Variants in MAFG observed in about 807,000 individuals in gnomAD.
MAFG encodes transcription factor MafG.
Under a neutral mutation model 12.2 loss-of-function variants are expected in MAFG, and 3 were observed. The observed-to-expected ratio is 0.25, with a 90% confidence interval of 0.11 to 0.64. The LOEUF (loss-of-function observed/expected upper bound fraction) is 0.64. MAFG is among the 30% of genes least tolerant of loss of function. The pLI, the probability that MAFG is intolerant of heterozygous loss-of-function variation, is 0.85. For synonymous variants in MAFG, 126 were observed against 109.1 expected (o/e 1.15, Z -0.96); for missense variants, 153 against 235.5 (o/e 0.65, Z 2.29).
Position 81,920,866 on chromosome 17 carries a change from G to A in MAFG, c.*1739C>T, listed in dbSNP as rs3744810. ...GGACAAGGAAGAAAGGGCGGTGCCC[G>A]GTGGGCCCCCACCCACTCTGCCTGG... On this transcript the variant is annotated 3_prime_UTR_variant, in exon 3 of 3. Coordinates refer to ENST00000357736, the MANE Select transcript of MAFG (RefSeq NM_002359.4). 0.13 allele frequency: 20,376 copies of A among 152,484 alleles called. 1,653 individuals are homozygous for A. The highest frequency in any genetic ancestry group is 0.22 in the Middle Eastern group (64 of 296). 9.4% of individuals were successfully genotyped at this position (152,484 alleles called of 1,614,324 possible). A position where few individuals can be genotyped will look rare whatever the true frequency, so the allele number is the denominator to read the frequency against.
chr17:81,927,056 AT>A (rs1056487941), intron 1 of MAFG, among the ~76,000 whole-genome samples: 2 of 150,684 alleles, frequency 1.3e-5, no homozygotes, highest in Non-Finnish European at 3.0e-5. Context: ...CAGCACCCCC[AT>A]CGCCGCCCCT....
In MAFG at chr17:81,919,262, T is replaced by C. The variant is rs2040862536; in HGVS notation, c.*3343A>G. ...GACTTTCCAGATGTGGATGGGCGCT[T>C]TGGCCAAGTGGCCACTCCAGAGGGA... On this transcript the variant is annotated 3_prime_UTR_variant, in exon 3 of 3. Coordinates refer to ENST00000357736, the MANE Select transcript of MAFG (RefSeq NM_002359.4). 1 of 152,262 alleles carries C rather than the reference T, an allele frequency of 6.6e-6. No homozygotes were observed. 9.4% of individuals were successfully genotyped at this position (152,262 alleles called of 1,614,324 possible).
At chr17:81,928,921 G>A (rs900776304), upstream of MAFG, among the ~76,000 whole-genome samples, 9 of 152,168 alleles carry the variant, frequency 5.9e-5, no homozygotes, top group African/African-American at 2.2e-4. This position sits in a 1 kb window ranked among gnomAD's most constrained non-coding sequence, Gnocchi z 8.1. Context: ...GGGTGAAGTC[G>A]TGCATTGCTG....
In MAFG at chr17:81,922,941, C is replaced by T. The variant is rs371063454; in HGVS notation, c.153G>A (p.Gln51=). 31 of 1,603,964 alleles carry T rather than the reference C, an allele frequency of 1.9e-5. No homozygotes were observed. The highest frequency in any genetic ancestry group is 2.7e-5 in the African/African-American group (2 of 74,812). ...LRGLSKEEIV[Q]LKQRRRTLKN... is the part of the protein sequence containing the mutation. ...TGAGCGTGCGCCGGCGCTGCTTCAG[C>T]TGGACGATCTCCTCCTTGGACAGGC... The change falls in exon 3 of 3, where the codon CAG becomes CAA. Residue 51 remains glutamine, a synonymous_variant. Transcript: ENST00000357736.
Position 81,924,007 on chromosome 17 carries a change from C to G in MAFG, c.-29-793G>C, listed in dbSNP as rs993018672. 6.6e-6 allele frequency: 1 copy of G among 152,364 alleles called. No individual in the cohort carries two copies. The highest frequency in any genetic ancestry group is 2.1e-4 in the South Asian group (1 of 4,842). The allele number at this position is 152,364 out of a possible 1,614,324, so 9.4% of individuals were successfully genotyped here. ...GCCATCAGCTGGGAGGAGCCTGGCC[C>G]GAGGCCCCTCTAGACCTCCCAGTCG... On this transcript the variant is annotated intron_variant, in intron 1 of 2. Coordinates refer to ENST00000357736, the MANE Select transcript of MAFG (RefSeq NM_002359.4). The surrounding 1 kb of genome is among the most constrained non-coding windows in gnomAD (Gnocchi z 4.7).
Position 81,920,333 on chromosome 17 carries a change from C to G in MAFG, c.*2272G>C, listed in dbSNP as rs966164325. On this transcript the variant is annotated 3_prime_UTR_variant, in exon 3 of 3. Coordinates refer to ENST00000357736, the MANE Select transcript of MAFG (RefSeq NM_002359.4). The stretch of plus-strand genomic sequence containing the variant: ...CAAGTGTTGATGGTGCCTCCCTGTT[C>G]CCATCCTGTGGGCACACCAGGCCAA... 6.6e-6 allele frequency: 1 copy of G among 152,242 alleles called. No individual in the cohort carries two copies. The highest frequency in any genetic ancestry group is 2.1e-4 in the South Asian group (1 of 4,828). The allele number at this position is 152,242 out of a possible 1,614,324, so 9.4% of individuals were successfully genotyped here.
In MAFG at chr17:81,923,466, T is replaced by C. The variant is rs2040915379; in HGVS notation, c.-29-252A>G. The C allele has an allele frequency of 1.0e-5, 4 of 392,510 alleles. No homozygotes were observed. The South Asian group carries it at 1.8e-4, about 18-fold the overall frequency. 24.3% of individuals were successfully genotyped at this position (392,510 alleles called of 1,614,324 possible). On this transcript the variant is annotated intron_variant, in intron 1 of 2. Transcript: ENST00000357736. ...GAAGGTCTGACGGGAGAAGGGGAAC[T>C]GAAGGCTGTTAGGAAGGCAGGCGCA...
Position 81,924,357 on chromosome 17 carries a change from C to G in MAFG, c.-29-1143G>C, listed in dbSNP as rs1260612068. ...ATGTTTCTGGGATTCCCAGCTCAGCCCAGCTCCCACCAGACCCTTGGGCAT... is the reference window on the plus strand; with the variant it reads ...ATGTTTCTGGGATTCCCAGCTCAGCGCAGCTCCCACCAGACCCTTGGGCAT... On this transcript the variant is annotated intron_variant, in intron 1 of 2. Coordinates refer to ENST00000357736, the MANE Select transcript of MAFG (RefSeq NM_002359.4). The surrounding 1 kb of genome is among the most constrained non-coding windows in gnomAD (Gnocchi z 4.7). 2.6e-5 allele frequency: 4 copies of G among 152,460 alleles called. No homozygotes were observed. Among genetic ancestry groups the G allele is most frequent in the Non-Finnish European group, 5.9e-5 (4 of 68,230 alleles). The allele number at this position is 152,460 out of a possible 1,614,324, so 9.4% of individuals were successfully genotyped here.
In MAFG at chr17:81,921,903, A is replaced by C. The variant is rs1396168876; in HGVS notation, c.*702T>G. ...CTTTTAAATAAAGGGCTATATAACC[A>C]CACAAATAGGTCATGTAAACAGTGA... On this transcript the variant is annotated 3_prime_UTR_variant, in exon 3 of 3. Transcript: ENST00000357736. 1 of 152,134 alleles carries C rather than the reference A, an allele frequency of 6.6e-6. No individual in the cohort carries two copies. The highest frequency in any genetic ancestry group is 1.5e-5 in the Non-Finnish European group (1 of 68,024). 9.4% of individuals were successfully genotyped at this position (152,134 alleles called of 1,614,324 possible).
At chr17:81,931,133 A>G (rs983208245), upstream of MAFG, among the ~76,000 whole-genome samples, 5 of 152,038 alleles carry the variant, frequency 3.3e-5, no homozygotes, top group African/African-American at 1.2e-4. Context: ...TTAATCAGGA[A>G]CCCACAGTGG....
Position 81,926,151 on chromosome 17 carries a change from C to T in MAFG, c.-30+1377G>A, listed in dbSNP as rs1324726031. On this transcript the variant is annotated intron_variant, in intron 1 of 2. Transcript: ENST00000357736. The surrounding 1 kb of genome is among the most constrained non-coding windows in gnomAD (Gnocchi z 4.6). Reference sequence around the variant, plus strand: ...TCCACATACCCAAGGAAAGGTGGCTCTGGCCACATCACTCCCAAGCTGCCA... The same window carrying T: ...TCCACATACCCAAGGAAAGGTGGCTTTGGCCACATCACTCCCAAGCTGCCA... Among the ~76,000 whole-genome samples the T allele has an allele frequency of 6.6e-6, 1 of 152,170 alleles. No individual in the cohort carries two copies. Among genetic ancestry groups the T allele is most frequent in the African/African-American group, 2.4e-5 (1 of 41,430 alleles).
At chr17:81,929,939 GA>G (rs2040972159), upstream of MAFG, 1 of 146,030 alleles carries the variant, frequency 6.8e-6, no homozygotes, top group South Asian at 1.9e-4. The surrounding 1 kb of genome is among the most constrained non-coding windows in gnomAD (Gnocchi z 5.7). Flanking sequence ...CTGTGGGACT[GA>G]GCCCCGCAGG....
chr17:81,922,875 C>T lies in MAFG; in HGVS notation c.219G>A (p.Val73=). ...GCTTCTCCAGCTCCTCCTTCTGCGT[C>T]ACCCGCTTCACGCGGCAGCTGGCAG... ...GYAASCRVKR[V]TQKEELEKQK... The change falls in exon 3 of 3, where the codon GTG becomes GTA. Residue 73 remains valine, a synonymous_variant. Coordinates refer to ENST00000357736, the MANE Select transcript of MAFG (RefSeq NM_002359.4). The T allele has an allele frequency of 1.2e-6, 2 of 1,611,606 alleles. No homozygotes were observed. Among genetic ancestry groups the T allele is most frequent in the Non-Finnish European group, 1.7e-6 (2 of 1,179,354 alleles).
upstream of MAFG, among the ~76,000 whole-genome samples, chr17:81,928,769 A>C (rs1249858855): frequency 2.0e-5 from 3 of 152,206 alleles, no homozygotes; most frequent in Non-Finnish European, 4.4e-5. The surrounding 1 kb of genome is among the most constrained non-coding windows in gnomAD (Gnocchi z 8.1). Flanking sequence ...CTTAGTGTAC[A>C]AAACAGCACA....
chr17:81,922,681 C>T lies in MAFG; in HGVS notation c.413G>A (p.Gly138Glu). The stretch of plus-strand genomic sequence containing the variant: ...GGCCACCTTGCCTGGGACGAGGGGC[C>T]CCAGGCCGGCGGCAAGGGGGCCCCG... ...PARGPLAAGL[G>E]PLVPGKVAAT... is the part of the protein sequence containing the mutation. Residue 138 changes from glycine to glutamate, a missense_variant, in exon 3 of 3, where the codon GGG (glycine) becomes GAG (glutamate). Coordinates refer to ENST00000357736, the MANE Select transcript of MAFG (RefSeq NM_002359.4). 1 of 1,506,442 alleles carries T rather than the reference C, an allele frequency of 6.6e-7. No homozygotes were observed. Among genetic ancestry groups the T allele is most frequent in the Admixed American group, 2.5e-5 (1 of 40,052 alleles). 93.3% of individuals were successfully genotyped at this position (1,506,442 alleles called of 1,614,324 possible).
In MAFG at chr17:81,921,249, C is replaced by T. The variant is rs2040886094; in HGVS notation, c.*1356G>A. On this transcript the variant is annotated 3_prime_UTR_variant, in exon 3 of 3. Coordinates refer to ENST00000357736, the MANE Select transcript of MAFG (RefSeq NM_002359.4). ...ACGGACCAGGAGCTGGTGGTGGGCACAGATTCCTTGAGCTCTGACGCAGCA... is the reference window on the plus strand; with the variant it reads ...ACGGACCAGGAGCTGGTGGTGGGCATAGATTCCTTGAGCTCTGACGCAGCA... 1 of 152,342 alleles carries T rather than the reference C, an allele frequency of 6.6e-6. No homozygotes were observed. Among genetic ancestry groups the T allele is most frequent in the East Asian group, 1.9e-4 (1 of 5,206 alleles). The allele number at this position is 152,342 out of a possible 1,614,324, so 9.4% of individuals were successfully genotyped here. A position where few individuals can be genotyped will look rare whatever the true frequency, so the allele number is the denominator to read the frequency against.
chr17:81,925,242 C>T (rs1474379704), intron 1 of MAFG, among the ~76,000 whole-genome samples: 1 of 152,248 alleles, frequency 6.6e-6, no homozygotes, highest in Admixed American at 6.5e-5. Context: ...GCAGGAGGCA[C>T]AGATGGTCAC....
In MAFG at chr17:81,927,591, G is replaced by T. The variant is rs1291499416; in HGVS notation, c.-93C>A. On this transcript the variant is annotated 5_prime_UTR_variant, in exon 1 of 3. Coordinates refer to ENST00000357736, the MANE Select transcript of MAFG (RefSeq NM_002359.4). ...GGGGCCGCGCGCGCTCCGAGGCCGC[G>T]CGGGGCAGGGACCGGCGCGAGGGGT... The T allele has an allele frequency of 6.8e-6, 1 of 145,992 alleles. No homozygotes were observed. The allele number at this position is 145,992 out of a possible 1,614,324, so 9.0% of individuals were successfully genotyped here.
intron 1 of MAFG, among the ~76,000 whole-genome samples, chr17:81,925,512 G>A (rs2040932051): frequency 6.6e-6 from 1 of 152,208 alleles, no homozygotes; most frequent in South Asian, 2.1e-4. Flanking sequence ...AAGTGACTGA[G>A]AAGATGTACA....
Sources: allele counts gnomAD v4.1 joint callset (sites outside exome capture counted in the v4.1 genomes callset), GRCh38; gene constraint gnomAD v4.1.1; non-coding constraint Gnocchi (gnomAD v3.1); transcripts MANE v1.5; gene names NCBI Gene and HGNC (gene_info 2026-07-23, HGNC 2026-07-21).